COL24A1: variants seen among roughly 807,000 people sequenced by gnomAD.
COL24A1 encodes collagen type XXIV alpha 1 chain, also known as collagen alpha-1(XXIV) chain.
COL24A1 carries 224 observed loss-of-function variants against 253.9 expected under a neutral mutation model. The ratio of observed to expected loss-of-function variants is 0.88; its 90% CI spans 0.79 to 0.99. The LOEUF (loss-of-function observed/expected upper bound fraction) is 0.99, where lower values mean the gene tolerates loss of function less well. Among genes scored for constraint, COL24A1 ranks in the 50% least tolerant of loss-of-function variants. COL24A1 has a pLI of 0.00. For missense variants in COL24A1, 2,131 were observed against 2,068.5 expected (o/e 1.03, Z -0.59); for synonymous variants, 685 against 673.7 (o/e 1.02, Z -0.26).
intron 3 of COL24A1, among the ~76,000 whole-genome samples, chr1:86,124,058 C>T (rs72716180): frequency 4.0e-4 from 60 of 151,752 alleles, no homozygotes; most frequent in Non-Finnish European, 7.4e-4. Flanking sequence ...AGAATATTTC[C>T]AACACTGTGA....
intron 26 of COL24A1, among the ~76,000 whole-genome samples, chr1:85,909,491 T>C (rs1051562737): frequency 2.0e-5 from 3 of 151,954 alleles, no homozygotes; most frequent in Admixed American, 1.3e-4. Flanking sequence ...GAGAATAAGA[T>C]GAATTCTGGA....
At chr1:85,854,465 T>C (rs1158648949) in intron 37 of COL24A1, among the ~76,000 whole-genome samples, 1 of 152,206 alleles carries the variant, frequency 6.6e-6, no homozygotes, top group Non-Finnish European at 1.5e-5. Context: ...TTTGATTCCA[T>C]AAGAATTTTA....
At chr1:85,989,480 G>C (rs17413395) in intron 19 of COL24A1, among the ~76,000 whole-genome samples, 34,251 of 151,728 alleles carry the variant, frequency 0.23, 4,917 homozygotes, top group South Asian at 0.35. Flanking sequence ...ACAACCCTAG[G>C]GCAAGTCACT....
At chr1:85,784,229 T>C (rs776210659) in intron 49 of COL24A1, 30 bp downstream of exon 49, 32 of 1,610,942 alleles carry the variant, frequency 2.0e-5, no homozygotes, top group Non-Finnish European at 2.5e-5. Flanking sequence ...GTAGAATAAA[T>C]GCTTGGTGAA....
intron 47 of COL24A1, among the ~76,000 whole-genome samples, chr1:85,791,481 C>G (rs1670270022): frequency 1.3e-5 from 2 of 152,076 alleles, no homozygotes; most frequent in South Asian, 4.1e-4. Context: ...TGAACTCAAA[C>G]AGTTTCAGTA....
intron 57 of COL24A1, among the ~76,000 whole-genome samples, chr1:85,740,880 C>A (rs1281618538): frequency 6.8e-6 from 1 of 146,530 alleles, no homozygotes; most frequent in African/African-American, 2.5e-5. Context: ...GAGGCCGAGG[C>A]GGGCAGATCA....
intron 59 of COL24A1, among the ~76,000 whole-genome samples, chr1:85,734,095 G>A (rs1056931368): frequency 2.7e-5 from 4 of 150,792 alleles, no homozygotes; most frequent in Non-Finnish European, 5.9e-5. Context: ...TAGAGACGGG[G>A]TTTCACCATG....
intron 24 of COL24A1, among the ~76,000 whole-genome samples, chr1:85,960,548 T>A (rs1690925643): frequency 6.6e-6 from 1 of 152,222 alleles, no homozygotes; most frequent in South Asian, 2.1e-4. Context: ...AAAAACTATC[T>A]TCAAGCTATT....
intron 3 of COL24A1, among the ~76,000 whole-genome samples, chr1:86,123,128 A>G (rs1174545835): frequency 6.6e-6 from 1 of 151,968 alleles, no homozygotes; most frequent in Non-Finnish European, 1.5e-5. Context: ...ATTTTAAGAT[A>G]ATATATGTAA....
At chr1:86,092,062 A>C (rs563361119) in intron 6 of COL24A1, among the ~76,000 whole-genome samples, 1 of 152,238 alleles carries the variant, frequency 6.6e-6, no homozygotes, top group Non-Finnish European at 1.5e-5. Context: ...TAATAAAAGT[A>C]ATGTTAAGAC....
intron 24 of COL24A1, among the ~76,000 whole-genome samples, chr1:85,921,434 TA>T (rs938371851): frequency 3.9e-5 from 6 of 152,120 alleles, no homozygotes; most frequent in African/African-American, 1.4e-4. Context: ...TGGCCAAGTA[TA>T]CAGGCAGGTG....
intron 7 of COL24A1, among the ~76,000 whole-genome samples, chr1:86,079,712 C>G (rs1702501465): frequency 6.6e-6 from 1 of 151,994 alleles, no homozygotes; most frequent in South Asian, 2.1e-4. Flanking sequence ...TATTGATCAT[C>G]AAAGAAATGC....
At chr1:85,938,193 T>A (rs1354907428) in intron 24 of COL24A1, among the ~76,000 whole-genome samples, 1 of 147,340 alleles carries the variant, frequency 6.8e-6, no homozygotes, top group Non-Finnish European at 1.5e-5. Context: ...GAAATATGGA[T>A]GGGTCTGAAA....
At chr1:85,891,702 C>A (rs1683149651) in intron 31 of COL24A1, among the ~76,000 whole-genome samples, 1 of 152,142 alleles carries the variant, frequency 6.6e-6, no homozygotes, top group Non-Finnish European at 1.5e-5. Context: ...GCCTAGTACA[C>A]CAACTGAAAT....
At chr1:86,133,821 T>G (rs1557767586) in intron 2 of COL24A1, among the ~76,000 whole-genome samples, 1 of 152,014 alleles carries the variant, frequency 6.6e-6, no homozygotes, top group Non-Finnish European at 1.5e-5. Flanking sequence ...TTTTTTGTTG[T>G]GTCTCTGCCA....
chr1:85,919,784 A>G (rs1300728490), intron 24 of COL24A1, among the ~76,000 whole-genome samples: 1 of 152,248 alleles, frequency 6.6e-6, no homozygotes, highest in Non-Finnish European at 1.5e-5. Context: ...CCAGACAATT[A>G]ACATGGGCAA....
At chr1:85,873,494 A>C (rs1245602840) in intron 35 of COL24A1, among the ~76,000 whole-genome samples, 1 of 152,246 alleles carries the variant, frequency 6.6e-6, no homozygotes, top group African/African-American at 2.4e-5. Flanking sequence ...TACACCATGG[A>C]ATACTATGCA....
intron 37 of COL24A1, among the ~76,000 whole-genome samples, chr1:85,854,040 G>A (rs1558398410): frequency 6.6e-6 from 1 of 152,030 alleles, no homozygotes; most frequent in Admixed American, 6.6e-5. Flanking sequence ...TCTTTGCAAG[G>A]GCTGATGTCC....
rs201118131 is a variant in COL24A1 at position 86,022,568 on chromosome 1, C to G, written c.2172G>C (p.Glu724Asp). The change falls in exon 17 of 60, where the codon GAG becomes GAC. Residue 724 changes from glutamate to aspartate, a missense_variant. Physicochemically the swap from Glu to Asp is conservative, Grantham distance 45 (BLOSUM62 2). Coordinates refer to ENST00000370571, the MANE Select transcript of COL24A1 (RefSeq NM_152890.7). ...GDKGEQGTAG[E>D]LGEPGYPGDK... ...CTCCAGGATACCCGGGTTCTCCTAGCTCTCCTGCTGTGCCTTGTTCACCCT... is the reference window on the plus strand; with the variant it reads ...CTCCAGGATACCCGGGTTCTCCTAGGTCTCCTGCTGTGCCTTGTTCACCCT... 6.2e-7 allele frequency: 1 copy of G among 1,613,022 alleles called. No homozygotes were observed. Among genetic ancestry groups the G allele is most frequent in the Non-Finnish European group, 8.5e-7 (1 of 1,179,498 alleles).
Sources: allele counts gnomAD v4.1 joint callset (sites outside exome capture counted in the v4.1 genomes callset), GRCh38; gene constraint gnomAD v4.1.1; transcripts MANE v1.5; gene names NCBI Gene and HGNC (gene_info 2026-07-23, HGNC 2026-07-21).